The following CEP83 variants were observed in gnomAD, a reference collection of about 807,000 sequenced individuals.
CEP83 encodes the protein centrosomal protein of 83 kDa.
A neutral mutation model predicts 101.9 loss-of-function variants in CEP83; 70 were observed. That is an observed-to-expected ratio of 0.69 (90% confidence interval 0.57 to 0.84). CEP83 has a LOEUF of 0.84. Ranked by LOEUF, CEP83 falls within the 40% of genes least tolerant of loss-of-function variation. CEP83 has a pLI of 0.00. For synonymous variants in CEP83, 264 were observed against 267.9 expected, an observed-to-expected ratio of 0.99 and a Z score of 0.14; for missense variants, 715 against 787.2, an observed-to-expected ratio of 0.91 and a Z score of 1.10.
chr12:94,409,305 C>G (rs1226433861), intron 4 of CEP83, among the ~76,000 whole-genome samples: 1 of 151,380 alleles, frequency 6.6e-6, no homozygotes, highest in African/African-American at 2.4e-5. Flanking sequence ...AAAACAGAAG[C>G]CTTACTAGAT....
intron 1 of CEP83, among the ~76,000 whole-genome samples, chr12:94,452,637 C>G (rs1020505837): frequency 1.3e-5 from 2 of 152,072 alleles, no homozygotes; most frequent in Admixed American, 6.6e-5. Context: ...CATGTTCATT[C>G]CATTACAGAA....
chr12:94,320,887 G>T (rs896844454), intron 14 of CEP83, among the ~76,000 whole-genome samples: 2 of 152,154 alleles, frequency 1.3e-5, no homozygotes, highest in Non-Finnish European at 2.9e-5. Context: ...TTCCTGTGTA[G>T]AATTTTGTTC....
chr12:94,375,680 T>G (rs1410340087), intron 8 of CEP83, among the ~76,000 whole-genome samples: 1 of 152,098 alleles, frequency 6.6e-6, no homozygotes, highest in Non-Finnish European at 1.5e-5. Flanking sequence ...AACACAAAAT[T>G]TGTCACTGTA....
chr12:94,285,881 C>G, the CEP83 span, among the ~76,000 whole-genome samples: 1 of 152,152 alleles, frequency 6.6e-6, no homozygotes, highest in African/African-American at 2.4e-5. Context: ...TCAGCTGTGC[C>G]TCCCCTGCCA....
At chr12:94,327,011 A>G (rs961129984) in intron 14 of CEP83, among the ~76,000 whole-genome samples, 2 of 149,752 alleles carry the variant, frequency 1.3e-5, no homozygotes, top group African/African-American at 5.0e-5. Context: ...ATTTGGAGAT[A>G]AGGCAGACCT....
chr12:94,331,666 C>T (rs1423460209), intron 14 of CEP83, 34 bp downstream of exon 14: 1 of 1,608,238 alleles, frequency 6.2e-7, no homozygotes, highest in Non-Finnish European at 8.5e-7. Flanking sequence ...GCCACCATGC[C>T]TGGCCAGAGA....
At chr12:94,279,870 G>A in the CEP83 span, 95 of 683,154 alleles carry the variant, frequency 1.4e-4, no homozygotes, top group Middle Eastern at 2.7e-4. Context: ...CAAAGATGGC[G>A]TTTGTTGTTG....
chr12:94,323,219 C>T (rs2136394847), intron 14 of CEP83, among the ~76,000 whole-genome samples: 1 of 152,176 alleles, frequency 6.6e-6, no homozygotes, highest in South Asian at 2.1e-4. Flanking sequence ...GGTCTAACGT[C>T]CTGCTTGGCT....
chr12:94,387,287 T>C (rs2062205471), intron 6 of CEP83, among the ~76,000 whole-genome samples: 1 of 152,174 alleles, frequency 6.6e-6, no homozygotes, highest in Admixed American at 6.5e-5. Flanking sequence ...CGACCATTAC[T>C]GCCTGAGCTC....
chr12:94,291,138 G>A, the CEP83 span, among the ~76,000 whole-genome samples: 20 of 152,366 alleles, frequency 1.3e-4, no homozygotes, highest in African/African-American at 4.6e-4. Flanking sequence ...GGTCTTAGGT[G>A]AGAACGCTTG....
At chr12:94,391,446 C>T (rs1253401860) in intron 6 of CEP83, among the ~76,000 whole-genome samples, 2 of 152,104 alleles carry the variant, frequency 1.3e-5, no homozygotes, top group African/African-American at 2.4e-5. Flanking sequence ...TTTGTCACCA[C>T]CAAGCCTCCC....
chr12:94,412,883 C>T (rs1049868485), intron 2 of CEP83, among the ~76,000 whole-genome samples: 1 of 150,300 alleles, frequency 6.7e-6, no homozygotes, highest in African/African-American at 2.4e-5. Context: ...GACGGAGTCT[C>T]GCTCGTTCGC....
chr12:94,401,439 G>A (rs1007815391), intron 5 of CEP83, among the ~76,000 whole-genome samples: 4 of 152,198 alleles, frequency 2.6e-5, no homozygotes, highest in Non-Finnish European at 1.5e-5. Context: ...TACAATGATA[G>A]TTTAACTCAA....
intron 1 of CEP83, among the ~76,000 whole-genome samples, chr12:94,450,898 T>C (rs1296366137): frequency 6.6e-6 from 1 of 152,142 alleles, no homozygotes; most frequent in Non-Finnish European, 1.5e-5. Context: ...TAGAACCAAT[T>C]TTGAAAAAGA....
At chr12:94,348,370 A>G (rs1341874647) in intron 11 of CEP83, among the ~76,000 whole-genome samples, 1 of 152,160 alleles carries the variant, frequency 6.6e-6, no homozygotes, top group African/African-American at 2.4e-5. Flanking sequence ...CAACCATTTT[A>G]TGGTCATTTG....
chr12:94,345,061 T>C (rs1410725994), intron 11 of CEP83, among the ~76,000 whole-genome samples: 1 of 152,208 alleles, frequency 6.6e-6, no homozygotes, highest in African/African-American at 2.4e-5. Context: ...CTGGAACAAC[T>C]GGATACCTAC....
intron 6 of CEP83, among the ~76,000 whole-genome samples, chr12:94,382,229 A>G (rs1257053985): frequency 6.6e-6 from 1 of 151,816 alleles, no homozygotes; most frequent in African/African-American, 2.4e-5. Context: ...AGATAGGTAA[A>G]ATTTTTATCT....
chr12:94,289,658 C>CA, the CEP83 span, among the ~76,000 whole-genome samples: 1 of 152,102 alleles, frequency 6.6e-6, no homozygotes, highest in Non-Finnish European at 1.5e-5. Flanking sequence ...GGGCACTTTT[C>CA]AAAAAGGCAT....
chr12:94,416,829 G>C (rs1236623773), intron 2 of CEP83, among the ~76,000 whole-genome samples: 2 of 151,504 alleles, frequency 1.3e-5, no homozygotes, highest in Non-Finnish European at 2.9e-5. Flanking sequence ...TCACCCCACT[G>C]AAATGCTGGC....
Sources: allele counts gnomAD v4.1 joint callset (sites outside exome capture counted in the v4.1 genomes callset), GRCh38; gene constraint gnomAD v4.1.1; transcripts MANE v1.5; gene names NCBI Gene and HGNC (gene_info 2026-07-23, HGNC 2026-07-21).